The following KANSL1L variants were observed in gnomAD, a reference collection of about 807,000 sequenced individuals.
KANSL1L encodes KAT8 regulatory NSL complex subunit 1 like.
A neutral mutation model predicts 108.6 loss-of-function variants in KANSL1L; 25 were observed. The ratio of observed to expected loss-of-function variants is 0.23; its 90% CI spans 0.17 to 0.32. The LOEUF (loss-of-function observed/expected upper bound fraction) is 0.32, where lower values mean the gene tolerates loss of function less well. Among genes scored for constraint, KANSL1L ranks in the 10% least tolerant of loss-of-function variants. KANSL1L has a pLI of 1.00. For missense variants in KANSL1L, 1,137 were observed against 1,125.7 expected, an observed-to-expected ratio of 1.01 and a Z score of -0.14; for synonymous variants, 405 against 395.1, an observed-to-expected ratio of 1.03 and a Z score of -0.30.
At chr2:210,088,050 G>A (rs147252261) in intron 5 of KANSL1L, among the ~76,000 whole-genome samples, 2 of 152,032 alleles carry the variant, frequency 1.3e-5, no homozygotes, top group East Asian at 3.9e-4. Context: ...TCATATACCT[G>A]GTATCCAATC....
chr2:210,091,316 G>A (rs2094691180), intron 5 of KANSL1L, among the ~76,000 whole-genome samples: 1 of 152,060 alleles, frequency 6.6e-6, no homozygotes, highest in South Asian at 2.1e-4. Flanking sequence ...AGGCAAATGT[G>A]ACCTCCTATG....
intron 3 of KANSL1L, among the ~76,000 whole-genome samples, chr2:210,113,501 A>G (rs1467919772): frequency 6.6e-6 from 1 of 152,142 alleles, no homozygotes; most frequent in Non-Finnish European, 1.5e-5. Context: ...TCAAATGTCC[A>G]GTTTCCAAAA....
At chr2:210,143,073 A>G (rs541682195) in intron 2 of KANSL1L, among the ~76,000 whole-genome samples, 2 of 152,064 alleles carry the variant, frequency 1.3e-5, no homozygotes, top group South Asian at 2.1e-4. Context: ...ATTGCAGTCT[A>G]TTTTTTCCTT....
chr2:210,140,872 T>A (rs2095221539), intron 2 of KANSL1L, among the ~76,000 whole-genome samples: 1 of 152,192 alleles, frequency 6.6e-6, no homozygotes, highest in African/African-American at 2.4e-5. Flanking sequence ...TTAAATTTAT[T>A]CCTAAGTATG....
At chr2:210,092,901 T>A (rs1368578841) in intron 5 of KANSL1L, among the ~76,000 whole-genome samples, 1 of 151,970 alleles carries the variant, frequency 6.6e-6, no homozygotes, top group East Asian at 1.9e-4. Context: ...TCCACCATGA[T>A]CAGAACATCT....
chr2:210,083,773 G>A (rs2094610512), intron 5 of KANSL1L, among the ~76,000 whole-genome samples: 1 of 144,720 alleles, frequency 6.9e-6, no homozygotes, highest in African/African-American at 2.6e-5. Flanking sequence ...AGCTTGCAGT[G>A]AGCCGAGATC....
At chr2:210,147,574 T>C (rs1246741983) in intron 2 of KANSL1L, among the ~76,000 whole-genome samples, 1 of 152,198 alleles carries the variant, frequency 6.6e-6, no homozygotes, top group Non-Finnish European at 1.5e-5. Context: ...AAGGAAAAGG[T>C]TCTTCATTTA....
chr2:210,076,429 C>T (rs998071060), intron 5 of KANSL1L, among the ~76,000 whole-genome samples: 7 of 152,100 alleles, frequency 4.6e-5, no homozygotes, highest in Non-Finnish European at 8.8e-5. Context: ...TCAGGTGATC[C>T]GCCCATCTTG....
chr2:210,092,382 T>C (rs1252645539), intron 5 of KANSL1L, among the ~76,000 whole-genome samples: 1 of 152,230 alleles, frequency 6.6e-6, no homozygotes, highest in East Asian at 1.9e-4. Context: ...ATTTTGGAAC[T>C]TTTCTTCTAA....
intron 1 of KANSL1L, among the ~76,000 whole-genome samples, chr2:210,160,643 C>T (rs1294030695): frequency 6.6e-6 from 1 of 152,078 alleles, no homozygotes; most frequent in Non-Finnish European, 1.5e-5. Context: ...CTGAAAAATA[C>T]AAAACACCCA....
At chr2:210,046,909 G>A (rs1428954021) in intron 6 of KANSL1L, among the ~76,000 whole-genome samples, 1 of 152,130 alleles carries the variant, frequency 6.6e-6, no homozygotes, top group Non-Finnish European at 1.5e-5. Flanking sequence ...GCCCACCAGA[G>A]CCACACTTTA....
chr2:210,159,752 A>T (rs1052941967), intron 1 of KANSL1L, among the ~76,000 whole-genome samples: 2 of 152,244 alleles, frequency 1.3e-5, no homozygotes, highest in Non-Finnish European at 2.9e-5. Flanking sequence ...GACTGGTTCA[A>T]CATTAAAGAA....
chr2:210,097,627 T>C (rs1285022625), intron 5 of KANSL1L, among the ~76,000 whole-genome samples: 1 of 152,180 alleles, frequency 6.6e-6, no homozygotes, highest in Non-Finnish European at 1.5e-5. Context: ...AAAAAAAATT[T>C]ACCTTATATA....
intron 8 of KANSL1L, among the ~76,000 whole-genome samples, chr2:210,036,413 C>T (rs1288078183): frequency 6.6e-6 from 1 of 152,062 alleles, no homozygotes; most frequent in African/African-American, 2.4e-5. Context: ...AACTCCTGGG[C>T]TCAAGCGATC....
In KANSL1L at chr2:210,095,356, T is replaced by C. The variant is rs1211728287; in HGVS notation, c.1550+2730A>G. Among the ~76,000 whole-genome samples, 3 of 152,036 alleles carry C rather than the reference T, an allele frequency of 2.0e-5. 1 individual carries two copies. Among genetic ancestry groups the C allele is most frequent in the Non-Finnish European group, 4.4e-5 (3 of 67,938 alleles). On this transcript the variant is annotated intron_variant, in intron 5 of 14. Coordinates refer to ENST00000281772, the MANE Select transcript of KANSL1L (RefSeq NM_152519.4). ...ACTTCTTCTCCAATTCTCTTACTAA[T>C]TCACTCTTACCTCTTTCTCCATCAT...
rs952404099 is a variant in KANSL1L at position 210,044,236 on chromosome 2, G to A, written c.1756-132C>T. The A allele has an allele frequency of 3.9e-6, 2 of 507,068 alleles. No individual in the cohort carries two copies. The highest frequency in any genetic ancestry group is 2.0e-5 in the African/African-American group (1 of 50,304). The allele number at this position is 507,068 out of a possible 1,614,324, so 31.4% of individuals were successfully genotyped here. ...AAGTTTTACAAATATTTTGCTAGAT[G>A]TTTTCCCAATTAACTTTAATATTTA... On this transcript the variant is annotated intron_variant, in intron 6 of 14. Transcript: ENST00000281772. The surrounding 1 kb of genome is among the most constrained non-coding windows in gnomAD (Gnocchi z 4.2).
chr2:210,107,398 T>G (rs1214864092), intron 3 of KANSL1L, among the ~76,000 whole-genome samples: 1 of 151,778 alleles, frequency 6.6e-6, no homozygotes, highest in East Asian at 1.9e-4. Flanking sequence ...ATCTGTTGTC[T>G]TATTAGAAAG....
chr2:210,166,712 A>C (rs1053237743), intron 1 of KANSL1L, among the ~76,000 whole-genome samples: 7 of 152,144 alleles, frequency 4.6e-5, no homozygotes, highest in African/African-American at 1.7e-4. Flanking sequence ...ACAAACTAGG[A>C]AAACATTATC....
intron 6 of KANSL1L, among the ~76,000 whole-genome samples, chr2:210,064,817 C>CAA (rs1168784210): frequency 3.3e-3 from 137 of 41,694 alleles, no homozygotes; most frequent in African/African-American, 5.7e-3. Context: ...CCTCCCCCAC[C>CAA]AAAAAAAAAA....
Sources: allele counts gnomAD v4.1 joint callset (sites outside exome capture counted in the v4.1 genomes callset), GRCh38; gene constraint gnomAD v4.1.1; non-coding constraint Gnocchi (gnomAD v3.1); transcripts MANE v1.5; gene names NCBI Gene and HGNC (gene_info 2026-07-23, HGNC 2026-07-21).